The following AFDN variants were observed in gnomAD, a reference collection of about 807,000 sequenced individuals.
AFDN encodes afadin, adherens junction formation factor.
A neutral mutation model predicts 216.6 loss-of-function variants in AFDN; 68 were observed. That is an observed-to-expected ratio of 0.31 (90% confidence interval 0.26 to 0.38). AFDN has a LOEUF of 0.38. Ranked by LOEUF, AFDN falls within the 10% of genes least tolerant of loss-of-function variation. The probability of loss-of-function intolerance (pLI) is 1.00; values close to 1 mark genes in which losing one functional copy is unlikely to be tolerated. For missense variants in AFDN, 2,136 were observed against 2,342.0 expected (o/e 0.91, Z 1.82); for synonymous variants, 868 against 853.7 (o/e 1.02, Z -0.29).
intron 1 of AFDN, among the ~76,000 whole-genome samples, chr6:167,835,744 G>C (rs565613102): frequency 2.6e-5 from 4 of 152,274 alleles, no homozygotes; most frequent in Admixed American, 2.6e-4. Flanking sequence ...AAATGAGAAA[G>C]GCTAATACTG....
rs115278727 is a variant in AFDN, at chr6:167,966,088, T to A, written c.5257+43T>A. 2,610 of 1,537,578 alleles carry A rather than the reference T, an allele frequency of 1.7e-3. 45 individuals are homozygous for A. The African/African-American group carries it at 0.029, about 17-fold the overall frequency. ...AGCACAAGAAAGTCTCATGGGGACC[T>A]TCTTCCTGCCCCTCTTAAACCACGG... On this transcript the variant is annotated intron_variant, in intron 32 of 33. Transcript: ENST00000683244.
intron 8 of AFDN, among the ~76,000 whole-genome samples, chr6:167,892,769 C>T (rs1787769846): frequency 6.6e-6 from 1 of 152,192 alleles, no homozygotes; most frequent in South Asian, 2.1e-4. Flanking sequence ...ATTTCGACTG[C>T]TTCTTTCATA....
intron 29 of AFDN, among the ~76,000 whole-genome samples, chr6:167,950,041 G>A (rs535833986): frequency 1.5e-3 from 222 of 152,250 alleles, no homozygotes; most frequent in African/African-American, 4.8e-3. Flanking sequence ...AGGGAGCGGC[G>A]GTAGGCACAG....
intron 5 of AFDN, among the ~76,000 whole-genome samples, chr6:167,876,051 G>T (rs906115669): frequency 5.3e-5 from 8 of 152,152 alleles, no homozygotes; most frequent in African/African-American, 1.9e-4. Flanking sequence ...TGATTCTTCT[G>T]TTTGAGATGG....
intron 30 of AFDN, among the ~76,000 whole-genome samples, chr6:167,953,693 C>T (rs139912812): frequency 1.2e-3 from 190 of 152,254 alleles, no homozygotes; most frequent in African/African-American, 4.3e-3. Context: ...TTTAAAAGTA[C>T]TCTGCATTCC....
intron 30 of AFDN, among the ~76,000 whole-genome samples, chr6:167,959,504 T>G (rs560134089): frequency 2.6e-5 from 4 of 152,282 alleles, no homozygotes; most frequent in South Asian, 4.1e-4. Context: ...TCCCTAAAAT[T>G]TTTTTAGGGT....
chr6:167,857,806 A>C (rs1783072746), intron 1 of AFDN, among the ~76,000 whole-genome samples: 2 of 152,160 alleles, frequency 1.3e-5, no homozygotes, highest in Non-Finnish European at 2.9e-5. Context: ...GTTTTAATGT[A>C]GTCCTTTGAG....
intron 1 of AFDN, among the ~76,000 whole-genome samples, chr6:167,834,457 G>GGTTTT (rs1554275698): frequency 1.3e-5 from 1 of 75,256 alleles, no homozygotes; most frequent in Admixed American, 2.0e-4. Flanking sequence ...TGTTGTTTCG[G>GGTTTT]TTTTTTTTTT....
chr6:167,931,250 G>T (rs147936704), intron 23 of AFDN, among the ~76,000 whole-genome samples: 94 of 152,298 alleles, frequency 6.2e-4, no homozygotes, highest in Non-Finnish European at 1.2e-3. Flanking sequence ...TCTGTCTTGA[G>T]CAGCTGGACA....
intron 1 of AFDN, among the ~76,000 whole-genome samples, chr6:167,858,577 C>A (rs979941883): frequency 6.6e-6 from 1 of 152,184 alleles, no homozygotes; most frequent in African/African-American, 2.4e-5. Context: ...AGATGTACTT[C>A]TAGTACAGTG....
Position 167,880,247 on chromosome 6 carries a change from A to G in AFDN, c.740-113A>G, listed in dbSNP as rs1011173016. 28 of 936,824 alleles carry G rather than the reference A, an allele frequency of 3.0e-5. No individual in the cohort carries two copies. The Admixed American group carries it at 6.0e-4, about 20-fold the overall frequency. 58.0% of individuals were successfully genotyped at this position (936,824 alleles called of 1,614,324 possible). ...TAGTTATTAGGCAGATTGTCTTTAC[A>G]CTCATTTTAGCTAGAATGCAGGTAC... On this transcript the variant is annotated intron_variant, in intron 5 of 33. Coordinates refer to ENST00000683244, the MANE Select transcript of AFDN (RefSeq NM_001386888.1).
At chr6:167,947,806 T>G in intron 27 of AFDN, 47 bp from the exon 28 acceptor site, 1 of 1,242,866 alleles carries the variant, frequency 8.0e-7, no homozygotes, top group Non-Finnish European at 1.2e-6. Flanking sequence ...ATATATAGGT[T>G]GTTTATTTAA....
intron 1 of AFDN, among the ~76,000 whole-genome samples, chr6:167,828,104 C>T (rs937676526): frequency 3.3e-5 from 5 of 152,186 alleles, no homozygotes; most frequent in Non-Finnish European, 5.9e-5. Flanking sequence ...GCGCTCTGTT[C>T]ATTCGGTGGC....
chr6:167,855,673 T>A (rs567143237), intron 1 of AFDN, among the ~76,000 whole-genome samples: 10 of 152,238 alleles, frequency 6.6e-5, no homozygotes, highest in Non-Finnish European at 1.5e-4. Context: ...GGTTGATTTT[T>A]CTCGGAGCTG....
chr6:167,854,458 C>T (rs1782673549), intron 1 of AFDN, among the ~76,000 whole-genome samples: 1 of 151,962 alleles, frequency 6.6e-6, no homozygotes. Flanking sequence ...CATTGTCAAA[C>T]TTATTAACAT....
intron 28 of AFDN, 57 bp downstream of exon 28, chr6:167,948,001 T>C (rs1354025373): frequency 3.1e-6 from 4 of 1,295,926 alleles, no homozygotes; most frequent in Non-Finnish European, 4.5e-6. Context: ...TAGGGTTCCC[T>C]TTGGACATCT....
intron 30 of AFDN, among the ~76,000 whole-genome samples, chr6:167,956,737 A>T (rs1437846320): frequency 6.6e-6 from 1 of 152,122 alleles, no homozygotes; most frequent in Non-Finnish European, 1.5e-5. Flanking sequence ...AAGAAACCTC[A>T]CAGTCATGCA....
chr6:167,934,177 G>A (rs763412125), intron 23 of AFDN, among the ~76,000 whole-genome samples: 6 of 152,174 alleles, frequency 3.9e-5, no homozygotes, highest in Admixed American at 3.3e-4. Flanking sequence ...GACCACCTTC[G>A]TTCCCTTCAT....
At chr6:167,931,977 T>G (rs1793364104) in intron 23 of AFDN, among the ~76,000 whole-genome samples, 2 of 152,162 alleles carry the variant, frequency 1.3e-5, no homozygotes, top group Admixed American at 1.3e-4. Context: ...TTTAATATAG[T>G]AGTAATAGTT....
Sources: gnomAD v4.1 joint callset for allele counts (sites outside exome capture counted in the v4.1 genomes callset) on GRCh38, gnomAD v4.1.1 for gene constraint, MANE v1.5 for transcripts, NCBI Gene and HGNC (gene_info 2026-07-23, HGNC 2026-07-21) for gene names.